The following TMEM132C variants were observed in gnomAD, a reference collection of about 807,000 sequenced individuals.
TMEM132C encodes protein phosphatase 1, regulatory subunit 152.
Under a neutral mutation model 61.4 loss-of-function variants are expected in TMEM132C, and 29 were observed. The observed-to-expected ratio is 0.47, with a 90% CI of 0.35 to 0.64. The LOEUF (loss-of-function observed/expected upper bound fraction) is 0.64, where lower values mean the gene tolerates loss of function less well. TMEM132C is among the 30% of genes least tolerant of loss of function. The pLI is 0.00. For missense variants in TMEM132C, 1,408 were observed against 1,476.9 expected, an observed-to-expected ratio of 0.95 and a Z score of 0.76; for synonymous variants, 656 against 633.1, an observed-to-expected ratio of 1.04 and a Z score of -0.54.
intron 1 of TMEM132C, among the ~76,000 whole-genome samples, chr12:128,277,525 G>A (rs1282276649): frequency 6.6e-6 from 1 of 152,218 alleles, no homozygotes; most frequent in African/African-American, 2.4e-5. Flanking sequence ...TAAGGGAATG[G>A]GGTTTTCTGA....
intron 2 of TMEM132C, among the ~76,000 whole-genome samples, chr12:128,491,741 T>C (rs1871731317): frequency 6.6e-6 from 1 of 152,110 alleles, no homozygotes; most frequent in Non-Finnish European, 1.5e-5. Flanking sequence ...GACGAGGTTG[T>C]ACCGGCTCTC....
In TMEM132C at chr12:128,607,243, C is replaced by T. The variant is rs558683261; in HGVS notation, c.1122-8909C>T. Among the ~76,000 whole-genome samples the T allele has an allele frequency of 7.2e-5, 11 of 152,200 alleles. No homozygotes were observed. The South Asian group carries it at 2.3e-3, about 32-fold the overall frequency. The stretch of plus-strand genomic sequence containing the variant: ...GGAGTGTTTGAAAGCTTCCAGGAGG[C>T]CAGTGGGGCTGGAGGAGAATGAGCA... On this transcript the variant is annotated intron_variant, in intron 3 of 8. Transcript: ENST00000435159.
intron 3 of TMEM132C, among the ~76,000 whole-genome samples, chr12:128,545,324 A>G (rs1873909245): frequency 6.6e-6 from 1 of 152,142 alleles, no homozygotes; most frequent in East Asian, 1.9e-4. Context: ...ATGGCTGTGT[A>G]GTAGTCTATG....
chr12:128,704,707 A>G (rs946558712), intron 8 of TMEM132C, among the ~76,000 whole-genome samples: 1 of 152,130 alleles, frequency 6.6e-6, no homozygotes, highest in African/African-American at 2.4e-5. Context: ...CTAATCACAG[A>G]GTGTGTGACA....
intron 4 of TMEM132C, among the ~76,000 whole-genome samples, chr12:128,645,438 T>C (rs922710308): frequency 4.6e-5 from 7 of 152,160 alleles, no homozygotes; most frequent in Admixed American, 1.3e-4. Context: ...TGACCGCCAA[T>C]TCTGTGGGGC....
At chr12:128,295,490 A>C (rs545971831) in intron 1 of TMEM132C, among the ~76,000 whole-genome samples, 3 of 152,194 alleles carry the variant, frequency 2.0e-5, no homozygotes, top group Non-Finnish European at 4.4e-5. Flanking sequence ...TGGAAAATAA[A>C]TAATGACCGC....
At chr12:128,566,753 G>T (rs962174367) in intron 3 of TMEM132C, among the ~76,000 whole-genome samples, 1 of 152,184 alleles carries the variant, frequency 6.6e-6, no homozygotes, top group African/African-American at 2.4e-5. Context: ...TGGTGCCTCA[G>T]AGCTTAGACT....
chr12:128,604,600 G>C (rs1593116950), intron 3 of TMEM132C, among the ~76,000 whole-genome samples: 1 of 151,932 alleles, frequency 6.6e-6, no homozygotes, highest in African/African-American at 2.4e-5. Context: ...TAGAGGGATA[G>C]ATGGCTAGAT....
At chr12:128,417,319 T>A (rs1274164180) in intron 2 of TMEM132C, among the ~76,000 whole-genome samples, 1 of 152,152 alleles carries the variant, frequency 6.6e-6, no homozygotes, top group Non-Finnish European at 1.5e-5. Context: ...TTAATGTCCC[T>A]CTTCAGAAAA....
intron 1 of TMEM132C, among the ~76,000 whole-genome samples, chr12:128,389,905 G>T (rs1874709629): frequency 1.3e-5 from 2 of 152,182 alleles, no homozygotes; most frequent in African/African-American, 4.8e-5. Context: ...GTGTGGCAAG[G>T]TCTTGTTCTG....
intron 3 of TMEM132C, among the ~76,000 whole-genome samples, chr12:128,589,494 T>C (rs1157030378): frequency 6.6e-6 from 1 of 152,010 alleles, no homozygotes; most frequent in Non-Finnish European, 1.5e-5. Context: ...ATCCACAGCC[T>C]GCACCTCCCC....
chr12:128,598,850 CTGGGGTGGGGTT>C lies in TMEM132C; in HGVS notation c.1122-17285_1122-17274del, dbSNP rs1169747400. On this transcript the variant is annotated intron_variant, in intron 3 of 8. Coordinates refer to ENST00000435159, the MANE Select transcript of TMEM132C (RefSeq NM_001136103.3). ...AGCTGGAGGTGGGGCTGGGGTGGGGCTGGGGTGGGGTTTGGGGTGGGGTTTGGGTGGGAGTGT... is the reference window on the plus strand; with the variant it reads ...AGCTGGAGGTGGGGCTGGGGTGGGGCTGGGGTGGGGTTTGGGTGGGAGTGT... 2.1e-3 allele frequency among the ~76,000 whole-genome samples: 51 copies of C among 24,140 alleles called. No homozygotes were observed. The Admixed American group carries it at 0.025, about 12-fold the overall frequency. 15.8% of individuals were successfully genotyped at this position (24,140 alleles called of 152,430 possible).
chr12:128,705,062 G>A, intron 8 of TMEM132C, 28 bp from the exon 9 acceptor site: 1 of 1,492,354 alleles, frequency 6.7e-7, no homozygotes, highest in South Asian at 1.3e-5. Flanking sequence ...TCCCCCAGGT[G>A]GTCTTCTAAC....
intron 1 of TMEM132C, among the ~76,000 whole-genome samples, chr12:128,344,143 A>C (rs1478705383): frequency 6.6e-6 from 1 of 152,038 alleles, no homozygotes; most frequent in African/African-American, 2.4e-5. Flanking sequence ...GTGTGGATAT[A>C]TGTTTTTATT....
chr12:128,588,448 T>TA (rs1441772510), intron 3 of TMEM132C, among the ~76,000 whole-genome samples: 3 of 151,952 alleles, frequency 2.0e-5, no homozygotes, highest in East Asian at 1.9e-4. Context: ...AATTTTTAAT[T>TA]AAAAAAAATC....
intron 2 of TMEM132C, among the ~76,000 whole-genome samples, chr12:128,441,212 C>T (rs111574973): frequency 7.2e-4 from 110 of 152,316 alleles, no homozygotes; most frequent in Non-Finnish European, 1.1e-3. Flanking sequence ...GCGATGAGTG[C>T]GAGGAGCAGA....
chr12:128,697,493 G>C, intron 8 of TMEM132C, 78 bp downstream of exon 8: 1 of 1,382,844 alleles, frequency 7.2e-7, no homozygotes, highest in Non-Finnish European at 9.6e-7. Flanking sequence ...GCAGGGTGGA[G>C]TGAGAAATGG....
At chr12:128,663,269 G>A (rs1449924120) in intron 4 of TMEM132C, among the ~76,000 whole-genome samples, 7 of 152,176 alleles carry the variant, frequency 4.6e-5, no homozygotes, top group Non-Finnish European at 1.0e-4. Flanking sequence ...TGCAGCGCCT[G>A]ACCACCACTA....
chr12:128,532,197 C>T (rs892646153), intron 2 of TMEM132C, among the ~76,000 whole-genome samples: 3 of 152,116 alleles, frequency 2.0e-5, no homozygotes, highest in African/African-American at 7.2e-5. Flanking sequence ...TTTTGATATG[C>T]TTCTTTCAAT....
Sources: allele counts gnomAD v4.1 joint callset (sites outside exome capture counted in the v4.1 genomes callset), GRCh38; gene constraint gnomAD v4.1.1; transcripts MANE v1.5; gene names NCBI Gene and HGNC (gene_info 2026-07-23, HGNC 2026-07-21).